The following APOL4 variants were observed in gnomAD, a reference collection of about 807,000 sequenced individuals.
APOL4 encodes the protein apolipoprotein L, 4.
A neutral mutation model predicts 12.1 loss-of-function variants in APOL4; 14 were observed. That is an observed-to-expected ratio of 1.16 (90% CI 0.76 to 1.81). APOL4 has a LOEUF of 1.81. Among genes scored for constraint, APOL4 ranks in the 40% most tolerant of loss-of-function variants. The pLI, the probability that APOL4 is intolerant of heterozygous loss-of-function variation, is 0.00. For synonymous variants in APOL4, 171 were observed against 160.6 expected, an observed-to-expected ratio of 1.06 and a Z score of -0.49; for missense variants, 432 against 423.1, an observed-to-expected ratio of 1.02 and a Z score of -0.18.
chr22:36,200,426 C>G (rs1399367165), intron 1 of APOL4, among the ~76,000 whole-genome samples: 2 of 152,176 alleles, frequency 1.3e-5, no homozygotes, highest in Admixed American at 1.3e-4. Flanking sequence ...AGCCTGTGTC[C>G]CCCTTGCTTC....
intron 2 of APOL4, among the ~76,000 whole-genome samples, chr22:36,198,635 A>C (rs1031568077): frequency 2.0e-5 from 3 of 152,078 alleles, no homozygotes; most frequent in African/African-American, 7.2e-5. Context: ...GGGGATGGGA[A>C]CCACCCCTTA....
At chr22:36,197,504 A>G in intron 2 of APOL4, 4 of 1,305,986 alleles carry the variant, frequency 3.1e-6, no homozygotes, top group Non-Finnish European at 4.0e-6. Flanking sequence ...GGTGAATATT[A>G]AAGCAAAATT....
chr22:36,191,827 G>A lies in APOL4; in HGVS notation c.295C>T (p.Gln99Ter), dbSNP rs2014264436. ...TTCAAAAACCACTCCCTAAACTGCT[G>A]TTCTTTTTGCTGCATGTCTTTGTCC... is the stretch of plus-strand genomic sequence containing the variant. ...IEDKDMQQKE[Q>*]QFREWFLKEF... Residue 99 changes from glutamine (Q) to a stop codon, truncating the protein, a stop_gained, in exon 4 of 4, where the codon CAG becomes TAG. Transcript: ENST00000683024. LOFTEE classifies it low-confidence loss of function (END_TRUNC). 4 of 1,613,876 alleles carry A rather than the reference G, an allele frequency of 2.5e-6. No homozygotes were observed. In the East Asian group the frequency reaches 8.9e-5, roughly 36 times the overall value.
At chr22:36,201,904 T>C, upstream of APOL4, 3 of 1,607,174 alleles carry the variant, frequency 1.9e-6, no homozygotes, top group Admixed American at 1.7e-5. Context: ...AAAACCCACA[T>C]GGCTCCTGGC....
At chr22:36,202,084 G>C, upstream of APOL4, 2 of 1,613,176 alleles carry the variant, frequency 1.2e-6, no homozygotes, top group Non-Finnish European at 1.7e-6. Flanking sequence ...GGTTGAGACA[G>C]TGTGCTCCTC....
upstream of APOL4, among the ~76,000 whole-genome samples, chr22:36,203,730 C>G (rs2014650608): frequency 6.6e-6 from 1 of 152,186 alleles, no homozygotes; most frequent in Admixed American, 6.5e-5. Flanking sequence ...CCTAGCTTGT[C>G]CATATGGACA....
upstream of APOL4, among the ~76,000 whole-genome samples, chr22:36,202,882 G>A (rs573515637): frequency 2.0e-5 from 3 of 152,246 alleles, no homozygotes; most frequent in Middle Eastern, 3.4e-3. Context: ...GCCCAGAGTC[G>A]CACAGCTCTT....
chr22:36,193,764 T>C (rs1281375869), intron 3 of APOL4, among the ~76,000 whole-genome samples: 1 of 152,202 alleles, frequency 6.6e-6, no homozygotes, highest in Non-Finnish European at 1.5e-5. Context: ...CTCATGCCCT[T>C]TGACGTTCTG....
At chr22:36,201,431 T>C (rs2014571385) in intron 1 of APOL4, among the ~76,000 whole-genome samples, 2 of 149,820 alleles carry the variant, frequency 1.3e-5, no homozygotes, top group South Asian at 4.3e-4. Flanking sequence ...GATGTCTGTC[T>C]TCTGGGGCCC....
intron 2 of APOL4, chr22:36,197,858 G>C (rs1319152206): frequency 1.3e-6 from 2 of 1,537,152 alleles, no homozygotes; most frequent in Admixed American, 4.0e-5. Context: ...GGCCAATCTG[G>C]CTAAGACCAG....
In APOL4 at chr22:36,191,479, A is replaced by G; in HGVS notation, c.643T>C (p.Leu215=). ...GTGATGTCACGCAGAATGTCCCTTA[A>G]TGCCTCCAATTGGTCAGTGCTGGTT... The part of the protein sequence containing the change: ...TATSTDQLEA[L]RDILRDITPN... Residue 215 remains leucine, a synonymous_variant, in exon 4 of 4, where the codon TTA becomes CTA. Coordinates refer to ENST00000683024, the MANE Select transcript of APOL4 (RefSeq NM_001386885.1). 1 of 1,614,066 alleles carries G rather than the reference A, an allele frequency of 6.2e-7. No individual in the cohort carries two copies. Among genetic ancestry groups the G allele is most frequent in the Non-Finnish European group, 8.5e-7 (1 of 1,179,900 alleles).
At chr22:36,202,133 G>T, upstream of APOL4, 1 of 1,594,236 alleles carries the variant, frequency 6.3e-7, no homozygotes, top group Non-Finnish European at 8.6e-7. Context: ...TTAATAAACC[G>T]TTTTGCTGTG....
rs1345505524 is a variant in APOL4 at position 36,189,780 on chromosome 22, C to T, written c.*1295G>A. The T allele has an allele frequency of 6.5e-6, 1 of 152,902 alleles. No individual in the cohort carries two copies. Among genetic ancestry groups the T allele is most frequent in the Non-Finnish European group, 1.5e-5 (1 of 68,232 alleles). The allele number at this position is 152,902 out of a possible 1,614,324, so 9.5% of individuals were successfully genotyped here. On this transcript the variant is annotated 3_prime_UTR_variant, in exon 4 of 4. Coordinates refer to ENST00000683024, the MANE Select transcript of APOL4 (RefSeq NM_001386885.1). ...TCCAGTCCCCTCTCCTCCCTTATTC[C>T]AGGCCCCAGCATTTCTGCCTTCTCC...
At chr22:36,200,801 A>C (rs1023424911) in intron 1 of APOL4, among the ~76,000 whole-genome samples, 1 of 152,272 alleles carries the variant, frequency 6.6e-6, no homozygotes, top group Non-Finnish European at 1.5e-5. Flanking sequence ...ACTGGCTCTC[A>C]GTAGTCTCTT....
chr22:36,199,208 G>T (rs132713), intron 2 of APOL4, 122 bp downstream of exon 2: 38 of 1,387,824 alleles, frequency 2.7e-5, no homozygotes, highest in Non-Finnish European at 3.7e-5. Context: ...AGCCACCTCC[G>T]TCTGGGTTCC....
At position 36,195,264 on chromosome 22, in the gene APOL4, G is replaced by C. The variant is rs765733482; in HGVS notation, c.209+47C>G. 10 of 1,593,492 alleles carry C rather than the reference G, an allele frequency of 6.3e-6. No homozygotes were observed. The East Asian group carries it at 2.2e-4, about 36-fold the overall frequency. ...GAGAAAACTAGCCCGGGGAGATCTG[G>C]GTGGCATCACCGGGGTGCCCCAAGG... On this transcript the variant is annotated intron_variant, in intron 3 of 3. Transcript: ENST00000683024.
chr22:36,198,701 G>C (rs970206700), intron 2 of APOL4, among the ~76,000 whole-genome samples: 1 of 152,204 alleles, frequency 6.6e-6, no homozygotes, highest in African/African-American at 2.4e-5. Flanking sequence ...TGTAATGTTT[G>C]ATCCTCATGA....
In APOL4 at chr22:36,192,349, T is replaced by A. The variant is rs576588050; in HGVS notation, c.210-437A>T. On this transcript the variant is annotated intron_variant, in intron 3 of 3. Coordinates refer to ENST00000683024, the MANE Select transcript of APOL4 (RefSeq NM_001386885.1). ...AGCGAGACTCCATCTCAAAAAAAAA[T>A]AATAATAATAATTCTACTCAAGGTT... Among the ~76,000 whole-genome samples, 161 of 152,084 alleles carry A rather than the reference T, an allele frequency of 1.1e-3. 1 individual carries two copies. The highest frequency in any genetic ancestry group is 2.8e-3 in the African/African-American group (115 of 41,480).
At chr22:36,203,619 T>G (rs1299287134), upstream of APOL4, among the ~76,000 whole-genome samples, 5 of 152,230 alleles carry the variant, frequency 3.3e-5, no homozygotes, top group East Asian at 9.7e-4. Context: ...AAACAGGACG[T>G]GAAGCTAGAT....
Sources: allele counts gnomAD v4.1 joint callset (sites outside exome capture counted in the v4.1 genomes callset), GRCh38; gene constraint gnomAD v4.1.1; transcripts MANE v1.5; gene names NCBI Gene and HGNC (gene_info 2026-07-23, HGNC 2026-07-21).